The following ZNF821 variants were observed in gnomAD, a reference collection of about 807,000 sequenced individuals.
ZNF821 encodes the protein zinc finger protein 821.
In ZNF821, 16 loss-of-function variants were observed where a neutral mutation model predicts 44.3. The ratio of observed to expected loss-of-function variants is 0.36; its 90% CI spans 0.24 to 0.55. The LOEUF (loss-of-function observed/expected upper bound fraction) is 0.55, where lower values mean the gene tolerates loss of function less well. ZNF821 is among the 20% of genes least tolerant of loss of function. The probability of loss-of-function intolerance (pLI) is 0.86; values close to 1 mark genes in which losing one functional copy is unlikely to be tolerated. For missense variants in ZNF821, 436 were observed against 547.6 expected, an observed-to-expected ratio of 0.80 and a Z score of 2.03; for synonymous variants, 204 against 197.6, an observed-to-expected ratio of 1.03 and a Z score of -0.27.
intron 3 of ZNF821, among the ~76,000 whole-genome samples, chr16:71,878,283 T>G (rs1416290371): frequency 6.6e-6 from 1 of 151,798 alleles, no homozygotes; most frequent in Non-Finnish European, 1.5e-5. Flanking sequence ...GGTTAATTTT[T>G]TTTGTATTTT....
At chr16:71,867,826 C>A in intron 4 of ZNF821, 86 bp downstream of exon 4, 2 of 1,472,278 alleles carry the variant, frequency 1.4e-6, no homozygotes, top group African/African-American at 2.8e-5. Context: ...TTTCTCCCAA[C>A]CCCCATGCAC....
chr16:71,870,761 T>C (rs1274769594), intron 3 of ZNF821, among the ~76,000 whole-genome samples: 7 of 152,230 alleles, frequency 4.6e-5, no homozygotes, highest in Admixed American at 4.6e-4. Context: ...ATTACAAGCA[T>C]GAGCCACTGT....
chr16:71,893,501 C>G (rs1352766476), intron 1 of ZNF821, among the ~76,000 whole-genome samples: 1 of 151,440 alleles, frequency 6.6e-6, no homozygotes, highest in African/African-American at 2.4e-5. Context: ...ACTCTGCTGC[C>G]CAGGCTGGAG....
At chr16:71,872,113 G>A (rs1051574243) in intron 3 of ZNF821, among the ~76,000 whole-genome samples, 1 of 152,074 alleles carries the variant, frequency 6.6e-6, no homozygotes, top group African/African-American at 2.4e-5. Flanking sequence ...TTACAGGAGT[G>A]AGCCACTGCG....
rs763296785 is a variant in ZNF821 at position 71,893,464 on chromosome 16, CT to C, written n.448+1424del. ...GGCGTGAGCCACCACGCCTGGCCCA[CT>C]TTTTTTTTTTTTGGGACAGGGTCTC... is the stretch of plus-strand genomic sequence containing the variant. On this transcript the variant is annotated intron_variant and non_coding_transcript_variant, in intron 1 of 2. Coordinates refer to the ZNF821 transcript ENST00000561700. Among the ~76,000 whole-genome samples the C allele has an allele frequency of 4.3e-3, 600 of 140,984 alleles. 1 individual carries two copies. The highest frequency in any genetic ancestry group is 4.7e-3 in the Non-Finnish European group (301 of 64,228). 92.5% of individuals were successfully genotyped at this position (140,984 alleles called of 152,430 possible). A position where few individuals can be genotyped will look rare whatever the true frequency, so the allele number is the denominator to read the frequency against.
chr16:71,861,092 G>C (rs1484887075), intron 7 of ZNF821, among the ~76,000 whole-genome samples: 1 of 152,096 alleles, frequency 6.6e-6, no homozygotes, highest in Non-Finnish European at 1.5e-5. Flanking sequence ...CTGACCTTGT[G>C]ATCCACCCGC....
intron 3 of ZNF821, among the ~76,000 whole-genome samples, chr16:71,871,923 C>T (rs1021694269): frequency 6.6e-6 from 1 of 152,054 alleles, no homozygotes; most frequent in African/African-American, 2.4e-5. Context: ...CCTCCGCCTC[C>T]TGAGTTCAAG....
At chr16:71,891,541 A>G (rs1381252305) in intron 1 of ZNF821, 5 of 152,214 alleles carry the variant, frequency 3.3e-5, no homozygotes, top group African/African-American at 1.2e-4. Flanking sequence ...CTAAATCTTT[A>G]CAACTCCCGA....
At chr16:71,872,414 C>G (rs568804465) in intron 3 of ZNF821, among the ~76,000 whole-genome samples, 3 of 152,002 alleles carry the variant, frequency 2.0e-5, no homozygotes, top group South Asian at 2.1e-4. Flanking sequence ...GAGATCGAGA[C>G]CATCCTGGCT....
intron 4 of ZNF821, among the ~76,000 whole-genome samples, chr16:71,865,916 C>G (rs773985693): frequency 9.1e-4 from 138 of 152,220 alleles, no homozygotes; most frequent in Middle Eastern, 3.4e-3. Context: ...GCTGGGGAGT[C>G]TGCAAGGTTT....
At chr16:71,879,809 T>A (rs906219946) in intron 3 of ZNF821, 98 bp downstream of exon 3, 12 of 1,172,846 alleles carry the variant, frequency 1.0e-5, no homozygotes, top group Non-Finnish European at 1.2e-5. Context: ...ACTTTTCTTC[T>A]TCACAAATTA....
Position 71,860,015 on chromosome 16 carries a change from G to A in ZNF821, c.*3C>T. 6.3e-7 allele frequency: 1 copy of A among 1,586,218 alleles called. No individual in the cohort carries two copies. The highest frequency in any genetic ancestry group is 8.6e-7 in the Non-Finnish European group (1 of 1,166,490). ...GGAAGGAGGGCAGGCAGGAGGGTGT[G>A]GTTCAGTGCAGAGAGCTGCTGTTCT... On this transcript the variant is annotated 3_prime_UTR_variant, in exon 8 of 8. Transcript: ENST00000425432. This position sits in a 1 kb window ranked among gnomAD's most constrained non-coding sequence, Gnocchi z 7.3.
At chr16:71,885,875 C>G (rs575930031), upstream of ZNF821, among the ~76,000 whole-genome samples, 1 of 152,344 alleles carries the variant, frequency 6.6e-6, no homozygotes, top group South Asian at 2.1e-4. Flanking sequence ...TATCATCCAA[C>G]CCGCAAGTGT....
chr16:71,866,161 T>C (rs9936965), intron 4 of ZNF821, among the ~76,000 whole-genome samples: 50,369 of 151,778 alleles, frequency 0.33, 9,026 homozygotes, highest in East Asian at 0.66. Context: ...TAGGGCAGAG[T>C]CTCACCAGGC....
intron 3 of ZNF821, among the ~76,000 whole-genome samples, chr16:71,869,283 G>A (rs1212141496): frequency 1.3e-5 from 2 of 152,170 alleles, no homozygotes. Context: ...CAGGCATACA[G>A]GCTCAGGTTC....
chr16:71,881,508 AAT>A (rs893065412), intron 2 of ZNF821: 2 of 152,250 alleles, frequency 1.3e-5, no homozygotes, highest in African/African-American at 4.8e-5. Flanking sequence ...TTTAGAGGGC[AAT>A]ATACTGAGTG....
At chr16:71,873,951 C>G (rs1381131591) in intron 3 of ZNF821, among the ~76,000 whole-genome samples, 1 of 139,202 alleles carries the variant, frequency 7.2e-6, no homozygotes, top group East Asian at 2.3e-4. Context: ...CCACGCCCGG[C>G]TGGAATTTTT....
chr16:71,868,746 GTTT>G (rs370527672), intron 3 of ZNF821, among the ~76,000 whole-genome samples: 1 of 145,838 alleles, frequency 6.9e-6, no homozygotes, highest in East Asian at 2.0e-4. Flanking sequence ...TCTTGGTCCA[GTTT>G]TTTTTTTTTT....
At chr16:71,875,317 C>T (rs566839348) in intron 3 of ZNF821, among the ~76,000 whole-genome samples, 2 of 151,886 alleles carry the variant, frequency 1.3e-5, no homozygotes, top group African/African-American at 2.4e-5. Flanking sequence ...AGTCTCACTC[C>T]GTCGCCCAGG....
Sources: allele counts gnomAD v4.1 joint callset (sites outside exome capture counted in the v4.1 genomes callset), GRCh38; gene constraint gnomAD v4.1.1; non-coding constraint Gnocchi (gnomAD v3.1); transcripts MANE v1.5; gene names NCBI Gene and HGNC (gene_info 2026-07-23, HGNC 2026-07-21).